Variants in TRHDE observed in about 807,000 individuals in gnomAD.
TRHDE encodes thyrotropin releasing hormone degrading enzyme.
In TRHDE, 72 loss-of-function variants were observed where a neutral mutation model predicts 125.7. The ratio of observed to expected loss-of-function variants is 0.57; its 90% CI spans 0.47 to 0.70. The LOEUF (loss-of-function observed/expected upper bound fraction) is 0.70, where lower values mean the gene tolerates loss of function less well. Among genes scored for constraint, TRHDE ranks in the 30% least tolerant of loss-of-function variants. The pLI, the probability that TRHDE is intolerant of heterozygous loss-of-function variation, is 0.00. For synonymous variants in TRHDE, 509 were observed against 509.1 expected, an observed-to-expected ratio of 1.00 and a Z score of 0.00; for missense variants, 1,110 against 1,327.1, an observed-to-expected ratio of 0.84 and a Z score of 2.54.
At chr12:72,114,038 G>A (rs1416077483) in intron 2 of TRHDE, among the ~76,000 whole-genome samples, 1 of 151,468 alleles carries the variant, frequency 6.6e-6, no homozygotes, top group East Asian at 1.9e-4. Context: ...GTCTTTCTCT[G>A]GTTGGTTTTC....
intron 6 of TRHDE, among the ~76,000 whole-genome samples, chr12:72,517,400 C>T (rs1287777112): frequency 6.6e-6 from 1 of 152,102 alleles, no homozygotes; most frequent in Non-Finnish European, 1.5e-5. Flanking sequence ...GGAATTTATC[C>T]ATTTCTTCTA....
At chr12:72,636,128 C>T (rs1274511120) in intron 15 of TRHDE, among the ~76,000 whole-genome samples, 3 of 152,038 alleles carry the variant, frequency 2.0e-5, no homozygotes, top group Non-Finnish European at 4.4e-5. Flanking sequence ...ATTCTTCCTA[C>T]CCATGAGCAT....
chr12:72,472,154 T>A (rs1412776085), intron 4 of TRHDE, among the ~76,000 whole-genome samples: 1 of 152,162 alleles, frequency 6.6e-6, no homozygotes, highest in Non-Finnish European at 1.5e-5. Context: ...TGAAATTGCG[T>A]TGTTCATTTG....
intron 6 of TRHDE, among the ~76,000 whole-genome samples, chr12:72,509,734 A>G (rs1185562440): frequency 1.3e-5 from 2 of 152,192 alleles, no homozygotes; most frequent in African/African-American, 4.8e-5. Flanking sequence ...TGAGCTTCAT[A>G]AAGGCAGAGA....
chr12:72,460,323 A>G lies in TRHDE; in HGVS notation c.1316-9435A>G, dbSNP rs138609183. ...AGGATCAGTAATGTGCTGGGGCAGA[A>G]TTGAGTTCATGTTCTTAATCCCTGC... On this transcript the variant is annotated intron_variant, in intron 3 of 18. Coordinates refer to ENST00000261180, the MANE Select transcript of TRHDE (RefSeq NM_013381.3). Among the ~76,000 whole-genome samples the G allele has an allele frequency of 2.0e-3, 304 of 152,292 alleles. 1 individual carries two copies. Among genetic ancestry groups the G allele is most frequent in the African/African-American group, 7.2e-3 (300 of 41,560 alleles).
Position 72,665,665 on chromosome 12 carries a change from G to A in TRHDE, c.*2470G>A, listed in dbSNP as rs1321276145. 1 of 151,378 alleles carries A rather than the reference G, an allele frequency of 6.6e-6. No individual in the cohort carries two copies. Among genetic ancestry groups the A allele is most frequent in the Non-Finnish European group, 1.5e-5 (1 of 67,846 alleles). The allele number at this position is 151,378 out of a possible 1,614,324, so 9.4% of individuals were successfully genotyped here. On this transcript the variant is annotated 3_prime_UTR_variant, in exon 19 of 19. Transcript: ENST00000261180. ...TTAGAGTTTTTATCTTTTCTTTTTT[G>A]TCGGCTTTACAAATTATATGTATGC... is the stretch of plus-strand genomic sequence containing the variant.
At chr12:72,299,603 TA>T (rs1880429927) in intron 2 of TRHDE, among the ~76,000 whole-genome samples, 1 of 152,204 alleles carries the variant, frequency 6.6e-6, no homozygotes, top group Admixed American at 6.5e-5. Flanking sequence ...CTGTCATAAT[TA>T]AGATCAAAGA....
chr12:72,619,983 TA>T (rs112536661), intron 13 of TRHDE, among the ~76,000 whole-genome samples: 28,897 of 151,520 alleles, frequency 0.19, 5,770 homozygotes, highest in African/African-American at 0.51. Flanking sequence ...TGATTTTTTT[TA>T]AAAAATGGGA....
intron 3 of TRHDE, among the ~76,000 whole-genome samples, chr12:72,467,068 G>T (rs1876412197): frequency 6.6e-6 from 1 of 152,140 alleles, no homozygotes; most frequent in Non-Finnish European, 1.5e-5. Context: ...GTTTCTGCCC[G>T]TTGATATCCT....
intron 2 of TRHDE, among the ~76,000 whole-genome samples, chr12:72,109,294 T>A (rs902807565): frequency 1.3e-5 from 2 of 152,074 alleles, no homozygotes; most frequent in African/African-American, 2.4e-5. Flanking sequence ...TCTCATACTA[T>A]AAAAGATGCT....
chr12:72,363,564 T>C (rs1263097755), intron 2 of TRHDE, among the ~76,000 whole-genome samples: 1 of 152,018 alleles, frequency 6.6e-6, no homozygotes, highest in Non-Finnish European at 1.5e-5. Context: ...TTGACGAAAT[T>C]CAACAACGCT....
At chr12:72,443,636 T>C (rs1875130123) in intron 3 of TRHDE, among the ~76,000 whole-genome samples, 1 of 151,898 alleles carries the variant, frequency 6.6e-6, no homozygotes, top group Non-Finnish European at 1.5e-5. Flanking sequence ...AAGCTGTATC[T>C]ATTTTTCTCT....
At chr12:72,455,503 T>C (rs910067683) in intron 3 of TRHDE, among the ~76,000 whole-genome samples, 2 of 152,150 alleles carry the variant, frequency 1.3e-5, no homozygotes, top group South Asian at 4.1e-4. Flanking sequence ...TCTGTAGAAA[T>C]ATTTTTTCTT....
chr12:72,272,112 G>A (rs1369490766), upstream of TRHDE: 3 of 457,300 alleles, frequency 6.6e-6, no homozygotes, highest in South Asian at 3.1e-5. The surrounding 1 kb of genome is among the most constrained non-coding windows in gnomAD (Gnocchi z 6.7). Context: ...TGCTGTGGCC[G>A]CCGTCACTGC....
intron 2 of TRHDE, among the ~76,000 whole-genome samples, chr12:72,307,423 G>A (rs1408136482): frequency 6.7e-6 from 1 of 149,642 alleles, no homozygotes; most frequent in Non-Finnish European, 1.5e-5. Context: ...GGATCCACCC[G>A]CCTCCCAAAG....
intron 2 of TRHDE, among the ~76,000 whole-genome samples, chr12:72,120,429 A>T (rs1055863647): frequency 1.3e-5 from 2 of 151,452 alleles, no homozygotes; most frequent in East Asian, 3.9e-4. Flanking sequence ...GTCTTCCTTT[A>T]ATTTGATCAC....
At chr12:72,429,276 T>G (rs1874325009) in intron 3 of TRHDE, among the ~76,000 whole-genome samples, 1 of 151,396 alleles carries the variant, frequency 6.6e-6, no homozygotes, top group Non-Finnish European at 1.5e-5. Context: ...CAAACCACCA[T>G]GACATGTGTA....
intron 3 of TRHDE, among the ~76,000 whole-genome samples, chr12:72,416,692 T>C (rs1427753588): frequency 6.6e-6 from 1 of 152,112 alleles, no homozygotes; most frequent in Non-Finnish European, 1.5e-5. Flanking sequence ...GCTGTAAATA[T>C]GTGGATTTAT....
In TRHDE at chr12:72,378,528, A is replaced by T. The variant is rs574894833; in HGVS notation, c.1315+407A>T. ...CATTCATCTGGACAGCCAGTAAGTGAAGGGGTTGGGATTTCAAACTAGGTC... is the reference window on the plus strand; with the variant it reads ...CATTCATCTGGACAGCCAGTAAGTGTAGGGGTTGGGATTTCAAACTAGGTC... On this transcript the variant is annotated intron_variant, in intron 3 of 18. Transcript: ENST00000261180. 5.3e-5 allele frequency among the ~76,000 whole-genome samples: 8 copies of T among 152,246 alleles called. No homozygotes were observed. In the South Asian group the frequency reaches 1.7e-3, roughly 32 times the overall value.
Sources: allele counts gnomAD v4.1 joint callset (sites outside exome capture counted in the v4.1 genomes callset), GRCh38; gene constraint gnomAD v4.1.1; non-coding constraint Gnocchi (gnomAD v3.1); transcripts MANE v1.5; gene names NCBI Gene and HGNC (gene_info 2026-07-23, HGNC 2026-07-21).